Variants in RELN observed in about 807,000 individuals in gnomAD.
RELN encodes the protein reelin.
A neutral mutation model predicts 427.6 loss-of-function variants in RELN; 108 were observed. The observed-to-expected ratio is 0.25, with a 90% CI of 0.22 to 0.30. RELN has a LOEUF of 0.30. RELN is among the 10% of genes least tolerant of loss of function. The pLI, the probability that RELN is intolerant of heterozygous loss-of-function variation, is 1.00. For synonymous variants in RELN, 1,524 were observed against 1,513.4 expected (o/e 1.01, Z -0.16); for missense variants, 3,715 against 4,302.8 (o/e 0.86, Z 3.82).
chr7:103,709,267 C>A (rs1789729518), intron 8 of RELN, among the ~76,000 whole-genome samples: 1 of 152,108 alleles, frequency 6.6e-6, no homozygotes. Flanking sequence ...AGGGTGGCAC[C>A]AAGTATTATC....
At chr7:103,611,315 T>C (rs1390239273) in intron 21 of RELN, among the ~76,000 whole-genome samples, 1 of 152,180 alleles carries the variant, frequency 6.6e-6, no homozygotes, top group Non-Finnish European at 1.5e-5. Context: ...GACACATTTA[T>C]AAAGAAAGAG....
At chr7:103,825,292 G>A (rs1793109036) in intron 3 of RELN, among the ~76,000 whole-genome samples, 1 of 152,096 alleles carries the variant, frequency 6.6e-6, no homozygotes, top group African/African-American at 2.4e-5. Context: ...GGGGCAGACA[G>A]AGGAAAATGC....
intron 1 of RELN, among the ~76,000 whole-genome samples, chr7:103,934,813 C>A (rs537359507): frequency 6.6e-6 from 1 of 152,122 alleles, no homozygotes; most frequent in African/African-American, 2.4e-5. Flanking sequence ...AAAAAGGATT[C>A]CAGAATGGGA....
At position 103,502,462 on chromosome 7, in the gene RELN, T is replaced by C. The variant is rs528595353; in HGVS notation, c.8489+554A>G. Among the ~76,000 whole-genome samples the C allele has an allele frequency of 2.0e-5, 3 of 152,352 alleles. No individual in the cohort carries two copies. In the East Asian group the frequency reaches 5.8e-4, roughly 29 times the overall value. On this transcript the variant is annotated intron_variant, in intron 52 of 64. Coordinates refer to ENST00000428762, the MANE Select transcript of RELN (RefSeq NM_005045.4). The stretch of plus-strand genomic sequence containing the variant: ...TTTGGAATTGCCTTAAATTAATATA[T>C]CCACAGACTTTGCAGAGCAAGGTTT...
chr7:103,590,595 AATAAAT>A (rs1831390347), intron 27 of RELN, among the ~76,000 whole-genome samples: 4 of 113,632 alleles, frequency 3.5e-5, no homozygotes, highest in Non-Finnish European at 7.8e-5. Context: ...TAAATAAATA[AATAAAT>A]ATAAAATAAA....
chr7:103,788,526 G>A (rs1792078310), intron 3 of RELN, among the ~76,000 whole-genome samples: 3 of 152,144 alleles, frequency 2.0e-5, no homozygotes, highest in Non-Finnish European at 4.4e-5. Context: ...GAAATCACAA[G>A]CATTCCTATA....
chr7:103,866,287 C>CA (rs1262593253), intron 2 of RELN, among the ~76,000 whole-genome samples: 1 of 152,024 alleles, frequency 6.6e-6, no homozygotes, highest in African/African-American at 2.4e-5. Flanking sequence ...ACAACAACAA[C>CA]AAAAACCCAG....
chr7:103,787,539 G>C (rs1792048902), intron 3 of RELN, among the ~76,000 whole-genome samples: 1 of 152,144 alleles, frequency 6.6e-6, no homozygotes, highest in Admixed American at 6.6e-5. Flanking sequence ...ACTACCATCA[G>C]AGAATATGAT....
chr7:103,761,289 C>T (rs943245860), intron 4 of RELN, among the ~76,000 whole-genome samples: 7 of 152,116 alleles, frequency 4.6e-5, no homozygotes, highest in Non-Finnish European at 7.4e-5. Context: ...GGGCCTCAAA[C>T]ATTAAAAATT....
chr7:103,493,729 G>C lies in RELN; in HGVS notation c.9370-1703C>G, dbSNP rs116703809. Among the ~76,000 whole-genome samples the C allele has an allele frequency of 5.3e-3, 807 of 152,244 alleles. 7 individuals are homozygous for C. Among genetic ancestry groups the C allele is most frequent in the African/African-American group, 0.019 (769 of 41,548 alleles). Reference sequence around the variant, plus strand: ...AGAAGGAGAACGAGCAGAGAACCCAGAAGCCTAGGGGAAAGAGAATTCCAC... The same window carrying C: ...AGAAGGAGAACGAGCAGAGAACCCACAAGCCTAGGGGAAAGAGAATTCCAC... On this transcript the variant is annotated intron_variant, in intron 57 of 64. Transcript: ENST00000428762.
At position 103,882,518 on chromosome 7, in the gene RELN, T is replaced by C. The variant is rs188700975; in HGVS notation, c.337+34557A>G. Among the ~76,000 whole-genome samples the C allele has an allele frequency of 2.8e-3, 420 of 152,224 alleles. 3 individuals carry two copies. The highest frequency in any genetic ancestry group is 6.9e-3 in the African/African-American group (288 of 41,552). On this transcript the variant is annotated intron_variant, in intron 2 of 64. Coordinates refer to ENST00000428762, the MANE Select transcript of RELN (RefSeq NM_005045.4). ...AAAAATCCTCCTGCCTGCTGGTTTT[T>C]TTGAAAATCTTATCAAAATAGGTAA...
chr7:103,924,497 T>C (rs532939836), intron 1 of RELN, among the ~76,000 whole-genome samples: 15 of 152,220 alleles, frequency 9.9e-5, no homozygotes, highest in Admixed American at 3.9e-4. Context: ...TGTCTCCACC[T>C]GCAAGGAGAG....
chr7:103,833,454 T>C, intron 3 of RELN, 83 bp downstream of exon 3: 1 of 1,264,948 alleles, frequency 7.9e-7, no homozygotes, highest in Non-Finnish European at 1.2e-6. Flanking sequence ...ATAAAACACT[T>C]AAATAGTTAC....
chr7:103,747,961 G>A (rs567826400), intron 6 of RELN, among the ~76,000 whole-genome samples: 51 of 151,950 alleles, frequency 3.4e-4, no homozygotes, highest in African/African-American at 1.2e-3. Flanking sequence ...TTGCACCACC[G>A]AACAGTCACA....
chr7:103,585,802 T>C (rs1831256241), intron 28 of RELN, among the ~76,000 whole-genome samples: 1 of 151,818 alleles, frequency 6.6e-6, no homozygotes, highest in South Asian at 2.1e-4. Flanking sequence ...GACACAAAAA[T>C]CCTCAAGAAA....
At chr7:103,912,003 A>C (rs1795378100) in intron 2 of RELN, among the ~76,000 whole-genome samples, 1 of 151,822 alleles carries the variant, frequency 6.6e-6, no homozygotes, top group Admixed American at 6.6e-5. Context: ...TTAAAGTATA[A>C]TTAAAAAAAA....
intron 40 of RELN, among the ~76,000 whole-genome samples, chr7:103,551,925 G>C (rs1043957783): frequency 1.4e-5 from 2 of 144,624 alleles, no homozygotes; most frequent in Non-Finnish European, 3.0e-5. Flanking sequence ...GTTACCTTCT[G>C]TGTGTGTGTG....
At chr7:103,850,244 C>A (rs528640526) in intron 2 of RELN, among the ~76,000 whole-genome samples, 1 of 152,284 alleles carries the variant, frequency 6.6e-6, no homozygotes, top group South Asian at 2.1e-4. Flanking sequence ...CCTGCAGGAC[C>A]CAGGAGACAC....
chr7:103,678,946 G>A (rs1236437093), intron 11 of RELN, among the ~76,000 whole-genome samples: 1 of 152,124 alleles, frequency 6.6e-6, no homozygotes, highest in East Asian at 1.9e-4. Context: ...GATTAACTGA[G>A]CAGAGAAAAC....
Sources: gnomAD v4.1 joint callset for allele counts (sites outside exome capture counted in the v4.1 genomes callset) on GRCh38, gnomAD v4.1.1 for gene constraint, MANE v1.5 for transcripts, NCBI Gene and HGNC (gene_info 2026-07-23, HGNC 2026-07-21) for gene names.